SNX24: variants seen among roughly 807,000 people sequenced by gnomAD.
SNX24 encodes the protein sorting nexin 24, also known as sorting nexin-24.
In SNX24, 22 loss-of-function variants were observed where a neutral mutation model predicts 28.7. The ratio of observed to expected loss-of-function variants is 0.77; its 90% CI spans 0.55 to 1.10. SNX24 has a LOEUF of 1.10. Ranked by LOEUF, SNX24 falls within the 50% of genes least tolerant of loss-of-function variation. The pLI is 0.00. For synonymous variants in SNX24, 69 were observed against 71.5 expected (o/e 0.96, Z 0.18); for missense variants, 221 against 201.1 (o/e 1.10, Z -0.60).
At chr5:122,857,882 A>C (rs1755277866) in intron 1 of SNX24, among the ~76,000 whole-genome samples, 1 of 152,132 alleles carries the variant, frequency 6.6e-6, no homozygotes. Flanking sequence ...TCCTGGGTTC[A>C]AGCGATTCTC....
At chr5:122,907,044 G>T (rs1043151405) in intron 1 of SNX24, among the ~76,000 whole-genome samples, 1 of 152,116 alleles carries the variant, frequency 6.6e-6, no homozygotes, top group East Asian at 1.9e-4. Context: ...AAAGGAAAAC[G>T]TTATTCCCTT....
At chr5:122,856,472 C>T (rs1436128326) in intron 1 of SNX24, among the ~76,000 whole-genome samples, 2 of 149,046 alleles carry the variant, frequency 1.3e-5, no homozygotes, top group Non-Finnish European at 3.0e-5. Flanking sequence ...GATTTATTTT[C>T]TTAGGGTATA....
rs542846951 is a variant in SNX24 at position 123,008,676 on chromosome 5, G to C, written c.*927G>C. 1.9e-4 allele frequency: 34 copies of C among 181,248 alleles called. No homozygotes were observed. The highest frequency in any genetic ancestry group is 6.6e-4 in the African/African-American group (28 of 42,142). The allele number at this position is 181,248 out of a possible 1,614,324, so 11.2% of individuals were successfully genotyped here. On this transcript the variant is annotated 3_prime_UTR_variant, in exon 7 of 7. Coordinates refer to ENST00000261369, the MANE Select transcript of SNX24 (RefSeq NM_014035.4). ...GAAGCGCCCACCCAGCGGATGGACA[G>C]CACCCACCTGGGTTTACTCAAGGGT...
rs188149900 is a variant in SNX24 at position 122,868,273 on chromosome 5, G to T, written c.60+22580G>T. On this transcript the variant is annotated intron_variant, in intron 1 of 6. Coordinates refer to ENST00000261369, the MANE Select transcript of SNX24 (RefSeq NM_014035.4). ...CTCATATATACTATTTCCATTTGAT[G>T]ATGGAGTGCTGCTGATCATGCCCAA... Among the ~76,000 whole-genome samples, 34 of 152,198 alleles carry T rather than the reference G, an allele frequency of 2.2e-4. No individual in the cohort carries two copies. The South Asian group carries it at 7.1e-3, about 32-fold the overall frequency.
At chr5:122,895,188 A>C (rs1163328056) in intron 1 of SNX24, among the ~76,000 whole-genome samples, 1 of 151,998 alleles carries the variant, frequency 6.6e-6, no homozygotes, top group Non-Finnish European at 1.5e-5. Context: ...GGTTAAAAAA[A>C]TTAATATATA....
chr5:122,889,730 TATA>T (rs199737726), intron 1 of SNX24, among the ~76,000 whole-genome samples: 1 of 12,808 alleles, frequency 7.8e-5, no homozygotes, highest in East Asian at 0.1. Context: ...TGTATGTGTA[TATA>T]TATATATGTG....
intron 1 of SNX24, among the ~76,000 whole-genome samples, chr5:122,929,589 T>A (rs1327574099): frequency 1.3e-5 from 2 of 152,188 alleles, no homozygotes; most frequent in African/African-American, 4.8e-5. Context: ...CGCTTTGTAT[T>A]TGCACCTTTA....
chr5:122,852,735 A>C (rs1581667484), intron 1 of SNX24, among the ~76,000 whole-genome samples: 2 of 152,206 alleles, frequency 1.3e-5, no homozygotes, highest in Admixed American at 6.5e-5. Flanking sequence ...TTGATTTTTC[A>C]ACACAGAATT....
intron 3 of SNX24, among the ~76,000 whole-genome samples, chr5:122,975,683 TAAG>T (rs1414786851): frequency 2.6e-5 from 4 of 152,136 alleles, no homozygotes; most frequent in African/African-American, 4.8e-5. Context: ...GACAATCTAA[TAAG>T]AAAATTGGCA....
chr5:122,913,017 C>T (rs1156706870), intron 1 of SNX24, among the ~76,000 whole-genome samples: 1 of 152,114 alleles, frequency 6.6e-6, no homozygotes, highest in African/African-American at 2.4e-5. Flanking sequence ...TTTCAGAGAG[C>T]ACAGGGTTGG....
intron 1 of SNX24, among the ~76,000 whole-genome samples, chr5:122,895,675 C>T (rs1161501145): frequency 1.3e-5 from 2 of 152,206 alleles, no homozygotes; most frequent in African/African-American, 2.4e-5. Context: ...TCCAGGCCAG[C>T]GTGCCCTGTG....
chr5:122,895,526 G>A (rs1288087754), intron 1 of SNX24, among the ~76,000 whole-genome samples: 5 of 152,102 alleles, frequency 3.3e-5, no homozygotes, highest in African/African-American at 7.2e-5. Context: ...GAGGCACATC[G>A]GCACTGTGTT....
intron 5 of SNX24, among the ~76,000 whole-genome samples, chr5:123,021,939 AC>A (rs1433261828): frequency 6.6e-6 from 1 of 152,028 alleles, no homozygotes; most frequent in Non-Finnish European, 1.5e-5. Flanking sequence ...AGGCCTTAGC[AC>A]AAATGCCATC....
chr5:122,982,547 A>G (rs1292202490), intron 3 of SNX24, among the ~76,000 whole-genome samples: 3 of 152,240 alleles, frequency 2.0e-5, no homozygotes, highest in Non-Finnish European at 4.4e-5. Context: ...GAAAGATGCC[A>G]ATGTTCAGTA....
intron 1 of SNX24, among the ~76,000 whole-genome samples, chr5:122,916,581 C>T (rs539380329): frequency 2.2e-4 from 34 of 152,236 alleles, no homozygotes; most frequent in African/African-American, 5.8e-4. Context: ...CTTGAACAGT[C>T]CATTTGGGAC....
chr5:122,929,687 C>T (rs1758863485), intron 1 of SNX24, among the ~76,000 whole-genome samples: 1 of 151,984 alleles, frequency 6.6e-6, no homozygotes, highest in Non-Finnish European at 1.5e-5. Context: ...GACACTATCA[C>T]TAAAACCTTA....
intron 1 of SNX24, among the ~76,000 whole-genome samples, chr5:122,902,707 G>A (rs1300888075): frequency 6.6e-6 from 1 of 152,012 alleles, no homozygotes. Context: ...TGCTATACAG[G>A]GTCATCCTCA....
chr5:122,939,390 A>G (rs528713500), intron 2 of SNX24, among the ~76,000 whole-genome samples: 1 of 152,144 alleles, frequency 6.6e-6, no homozygotes, highest in Non-Finnish European at 1.5e-5. Context: ...TTATCTATTT[A>G]TGTGCTTTCT....
chr5:123,002,413 A>G (rs1373541892), intron 6 of SNX24, among the ~76,000 whole-genome samples: 1 of 152,156 alleles, frequency 6.6e-6, no homozygotes. Flanking sequence ...CGGGTGGATC[A>G]TGAGGTCAGG....
Sources: gnomAD v4.1 joint callset for allele counts (sites outside exome capture counted in the v4.1 genomes callset) on GRCh38, gnomAD v4.1.1 for gene constraint, MANE v1.5 for transcripts, NCBI Gene and HGNC (gene_info 2026-07-23, HGNC 2026-07-21) for gene names.